Variants in SH3GL2 observed in about 807,000 individuals in gnomAD.
The protein encoded by SH3GL2 is endophilin-A1.
Under a neutral mutation model 46.0 loss-of-function variants are expected in SH3GL2, and 24 were observed. That is an observed-to-expected ratio of 0.52 (90% CI 0.38 to 0.73). SH3GL2 has a LOEUF of 0.73. Ranked by LOEUF, SH3GL2 falls within the 30% of genes least tolerant of loss-of-function variation. SH3GL2 has a pLI of 0.00. For missense variants in SH3GL2, 413 were observed against 424.2 expected, an observed-to-expected ratio of 0.97 and a Z score of 0.23; for synonymous variants, 196 against 147.1, an observed-to-expected ratio of 1.33 and a Z score of -2.40.
intron 1 of SH3GL2, among the ~76,000 whole-genome samples, chr9:17,681,171 G>A (rs1047692986): frequency 1.3e-5 from 2 of 152,066 alleles, no homozygotes; most frequent in African/African-American, 4.8e-5. Context: ...ATAGGAAGAA[G>A]CTTAGAAATA....
intron 1 of SH3GL2, among the ~76,000 whole-genome samples, chr9:17,680,814 A>T (rs1376629073): frequency 2.6e-5 from 4 of 151,966 alleles, no homozygotes; most frequent in Admixed American, 2.6e-4. Context: ...TGTCCCAGAG[A>T]TTCTGGTATG....
chr9:17,738,891 T>G (rs1822441270), intron 1 of SH3GL2, among the ~76,000 whole-genome samples: 1 of 152,098 alleles, frequency 6.6e-6, no homozygotes, highest in Non-Finnish European at 1.5e-5. Context: ...CTTCTTTACT[T>G]GAAGTCAACA....
intron 3 of SH3GL2, 169 bp downstream of exon 3, chr9:17,761,678 C>G (rs1823180084): frequency 5.9e-6 from 4 of 678,342 alleles, no homozygotes; most frequent in African/African-American, 1.8e-5. Flanking sequence ...GGGAGAAGGG[C>G]TTTTTAAAGC....
At chr9:17,614,981 AG>A (rs1220813497) in intron 1 of SH3GL2, among the ~76,000 whole-genome samples, 1 of 152,220 alleles carries the variant, frequency 6.6e-6, no homozygotes, top group Non-Finnish European at 1.5e-5. Flanking sequence ...GCAACCACAG[AG>A]GTGCCCAGAT....
chr9:17,745,960 G>T (rs1822669334), intron 1 of SH3GL2, among the ~76,000 whole-genome samples: 1 of 152,162 alleles, frequency 6.6e-6, no homozygotes, highest in Non-Finnish European at 1.5e-5. Context: ...GGAATGAAAA[G>T]GTCTTCGTGC....
chr9:17,766,247 G>A (rs1310072262), intron 3 of SH3GL2, among the ~76,000 whole-genome samples: 1 of 152,234 alleles, frequency 6.6e-6, no homozygotes, highest in African/African-American at 2.4e-5. Flanking sequence ...CGTCTGCCCT[G>A]TGAGGGTGGG....
At chr9:17,622,089 C>G (rs1009916225) in intron 1 of SH3GL2, among the ~76,000 whole-genome samples, 1 of 152,144 alleles carries the variant, frequency 6.6e-6, no homozygotes, top group Non-Finnish European at 1.5e-5. Context: ...GGCTATTTCC[C>G]TATTTTTCAT....
chr9:17,740,349 A>G (rs2118489639), intron 1 of SH3GL2, among the ~76,000 whole-genome samples: 1 of 152,144 alleles, frequency 6.6e-6, no homozygotes, highest in East Asian at 1.9e-4. Context: ...TGTCTATTAT[A>G]CATGGGGATA....
At chr9:17,736,516 G>A (rs762773353) in intron 1 of SH3GL2, among the ~76,000 whole-genome samples, 34 of 152,004 alleles carry the variant, frequency 2.2e-4, no homozygotes, top group Non-Finnish European at 3.2e-4. Context: ...TAAAGCTTAC[G>A]ATTTATTATT....
At chr9:17,586,760 A>G (rs981086317) in intron 1 of SH3GL2, among the ~76,000 whole-genome samples, 3 of 152,158 alleles carry the variant, frequency 2.0e-5, no homozygotes, top group African/African-American at 7.2e-5. Flanking sequence ...AACCACCCCT[A>G]TGATTCAATT....
At chr9:17,725,475 C>T (rs761021261) in intron 1 of SH3GL2, among the ~76,000 whole-genome samples, 1 of 152,082 alleles carries the variant, frequency 6.6e-6, no homozygotes, top group Admixed American at 6.6e-5. Context: ...TGCTCTTAGG[C>T]GTGAACTTCT....
chr9:17,742,204 T>C (rs1822547098), intron 1 of SH3GL2, among the ~76,000 whole-genome samples: 1 of 152,186 alleles, frequency 6.6e-6, no homozygotes, highest in Non-Finnish European at 1.5e-5. Context: ...TGGTTGGCTC[T>C]TAAGCATTTA....
At chr9:17,593,090 C>G (rs1818514269) in intron 1 of SH3GL2, among the ~76,000 whole-genome samples, 1 of 152,192 alleles carries the variant, frequency 6.6e-6, no homozygotes, top group Non-Finnish European at 1.5e-5. Context: ...GGCTGCTTCT[C>G]CCATACCTCG....
chr9:17,597,756 T>C (rs1202244614), intron 1 of SH3GL2, among the ~76,000 whole-genome samples: 1 of 152,184 alleles, frequency 6.6e-6, no homozygotes, highest in Non-Finnish European at 1.5e-5. Flanking sequence ...AATAAGCTAC[T>C]CTAGAAATTA....
In SH3GL2 at chr9:17,785,399, A is replaced by C. The variant is rs1411229257; in HGVS notation, c.188-982A>C. 2.0e-5 allele frequency among the ~76,000 whole-genome samples: 3 copies of C among 152,218 alleles called. No homozygotes were observed. In the East Asian group the frequency reaches 5.8e-4, roughly 29 times the overall value. On this transcript the variant is annotated intron_variant, in intron 3 of 8. Coordinates refer to ENST00000380607, the MANE Select transcript of SH3GL2 (RefSeq NM_003026.5). ...GGTTGCAGGATGTGCTCTCCTGATA[A>C]CTTTTCTCATCTCTATTCAATGCCT...
chr9:17,682,019 A>G (rs941056691), intron 1 of SH3GL2, among the ~76,000 whole-genome samples: 2 of 152,176 alleles, frequency 1.3e-5, no homozygotes, highest in Non-Finnish European at 2.9e-5. Context: ...ATGAGATACC[A>G]TCTCACGCCA....
chr9:17,666,479 A>G (rs932416357), intron 1 of SH3GL2, among the ~76,000 whole-genome samples: 4 of 150,594 alleles, frequency 2.7e-5, no homozygotes, highest in Non-Finnish European at 5.9e-5. Context: ...TCCTTCTTGT[A>G]TTTCTTTTGC....
chr9:17,616,537 G>A (rs928432202), intron 1 of SH3GL2, among the ~76,000 whole-genome samples: 1 of 152,112 alleles, frequency 6.6e-6, no homozygotes, highest in African/African-American at 2.4e-5. Flanking sequence ...AGAGAAAGAA[G>A]GGGAGAGATC....
chr9:17,727,543 G>A (rs528087720), intron 1 of SH3GL2, among the ~76,000 whole-genome samples: 2 of 152,262 alleles, frequency 1.3e-5, no homozygotes, highest in African/African-American at 4.8e-5. Flanking sequence ...GCTCCCTGAA[G>A]GCCACCTCTG....
Sources: gnomAD v4.1 joint callset for allele counts (sites outside exome capture counted in the v4.1 genomes callset) on GRCh38, gnomAD v4.1.1 for gene constraint, MANE v1.5 for transcripts, NCBI Gene and HGNC (gene_info 2026-07-23, HGNC 2026-07-21) for gene names.